The following RBMS1 variants were observed in gnomAD, a reference collection of about 807,000 sequenced individuals.
The protein encoded by RBMS1 is RNA-binding motif, single-stranded-interacting protein 1.
A neutral mutation model predicts 62.3 loss-of-function variants in RBMS1; 17 were observed. The observed-to-expected ratio is 0.27, with a 90% confidence interval of 0.19 to 0.41. The LOEUF (loss-of-function observed/expected upper bound fraction) is 0.41, where lower values mean the gene tolerates loss of function less well. RBMS1 is among the 10% of genes least tolerant of loss of function. The pLI is 1.00. For missense variants in RBMS1, 334 were observed against 504.5 expected (o/e 0.66, Z 3.24); for synonymous variants, 172 against 170.0 (o/e 1.01, Z -0.09).
intron 1 of RBMS1, among the ~76,000 whole-genome samples, chr2:160,435,189 T>A (rs1365792051): frequency 6.6e-6 from 1 of 152,258 alleles, no homozygotes; most frequent in Non-Finnish European, 1.5e-5. Flanking sequence ...ACCTACTGGA[T>A]ATACACTCTG....
intron 2 of RBMS1, among the ~76,000 whole-genome samples, chr2:160,340,648 T>C (rs1691819122): frequency 6.6e-6 from 1 of 152,024 alleles, no homozygotes; most frequent in Non-Finnish European, 1.5e-5. Flanking sequence ...TTATAAAAGA[T>C]GGGCAAACTG....
chr2:160,357,357 T>A (rs1424050940), intron 2 of RBMS1, among the ~76,000 whole-genome samples: 2 of 152,090 alleles, frequency 1.3e-5, no homozygotes, highest in Non-Finnish European at 2.9e-5. Context: ...TGGCTCTTTA[T>A]CATGCCTAGG....
intron 1 of RBMS1, among the ~76,000 whole-genome samples, chr2:160,473,952 C>G (rs781527137): frequency 6.6e-6 from 1 of 152,064 alleles, no homozygotes; most frequent in Non-Finnish European, 1.5e-5. Flanking sequence ...ACTATGACAA[C>G]AGGTAAGAAG....
chr2:160,394,636 C>G (rs896373307), intron 1 of RBMS1, among the ~76,000 whole-genome samples: 7 of 152,200 alleles, frequency 4.6e-5, no homozygotes, highest in Non-Finnish European at 8.8e-5. Flanking sequence ...TTGGCAGATA[C>G]TAGTTTATTT....
At chr2:160,327,982 GT>G (rs1370336156) in intron 2 of RBMS1, among the ~76,000 whole-genome samples, 2 of 152,060 alleles carry the variant, frequency 1.3e-5, no homozygotes, top group African/African-American at 2.4e-5. Flanking sequence ...CTTTGACAGT[GT>G]CACCCTTGTG....
chr2:160,420,229 G>A (rs1696368641), intron 1 of RBMS1, among the ~76,000 whole-genome samples: 1 of 151,964 alleles, frequency 6.6e-6, no homozygotes, highest in Non-Finnish European at 1.5e-5. Flanking sequence ...TAACTCCCTT[G>A]TCCCTTTACC....
chr2:160,487,987 T>G (rs1396050983), intron 1 of RBMS1, among the ~76,000 whole-genome samples: 1 of 152,210 alleles, frequency 6.6e-6, no homozygotes, highest in Non-Finnish European at 1.5e-5. Context: ...CATTGAGGAA[T>G]TAGATTATGG....
At chr2:160,277,280 G>A (rs1687885251) in intron 12 of RBMS1, 23 bp downstream of exon 12, 1 of 1,559,190 alleles carries the variant, frequency 6.4e-7, no homozygotes, top group Non-Finnish European at 8.8e-7. Context: ...AGCCAGAATG[G>A]TCACTGGATG....
chr2:160,493,485 T>TGCTGCC lies in RBMS1; in HGVS notation c.-128_-123dup, dbSNP rs1176804451. On this transcript the variant is annotated 5_prime_UTR_variant, in exon 1 of 14. Transcript: ENST00000348849. ...CGGCGGCGGCGGCGGCGGCTGCTGC[T>TGCTGCC]GCTGCCGCTGCTCCACCTCCCAGCC... 67 of 789,376 alleles carry TGCTGCC rather than the reference T, an allele frequency of 8.5e-5. 1 individual carries two copies. The highest frequency in any genetic ancestry group is 1.9e-4 in the South Asian group (13 of 68,654). The allele number at this position is 789,376 out of a possible 1,614,324, so 48.9% of individuals were successfully genotyped here.
Position 160,318,653 on chromosome 2 carries a change from C to T in RBMS1, c.252-426G>A, listed in dbSNP as rs184204060. The stretch of plus-strand genomic sequence containing the variant: ...TACAGCTTTTATGAAATAGTAACAG[C>T]GGAAAGCTGCTTGCATTATTCTATT... On this transcript the variant is annotated intron_variant, in intron 2 of 13. Transcript: ENST00000348849. 8.0e-3 allele frequency among the ~76,000 whole-genome samples: 1,212 copies of T among 152,298 alleles called. 13 individuals are homozygous for T. Among genetic ancestry groups the T allele is most frequent in the African/African-American group, 0.026 (1,098 of 41,554 alleles).
At chr2:160,285,591 C>A (rs539602377) in intron 7 of RBMS1, among the ~76,000 whole-genome samples, 1 of 151,128 alleles carries the variant, frequency 6.6e-6, no homozygotes, top group Admixed American at 6.6e-5. Context: ...AAAGTCAATA[C>A]AGGGAAATGG....
intron 2 of RBMS1, among the ~76,000 whole-genome samples, chr2:160,324,260 T>TACAC (rs1434072274): frequency 7.0e-6 from 1 of 142,982 alleles, no homozygotes; most frequent in Non-Finnish European, 1.6e-5. Context: ...TGCGTGCGCG[T>TACAC]GCACACACAC....
At chr2:160,418,018 G>A (rs886618820) in intron 1 of RBMS1, among the ~76,000 whole-genome samples, 1 of 152,144 alleles carries the variant, frequency 6.6e-6, no homozygotes, top group Non-Finnish European at 1.5e-5. Flanking sequence ...TCCCTCCTCA[G>A]CTCTCTCTCC....
At chr2:160,279,173 G>A (rs1338481845) in intron 10 of RBMS1, 2 of 152,324 alleles carry the variant, frequency 1.3e-5, no homozygotes, top group Non-Finnish European at 2.9e-5. Context: ...TTCAAGATCA[G>A]GTTGTTAGGA....
At chr2:160,483,389 T>C (rs1685450169) in intron 1 of RBMS1, among the ~76,000 whole-genome samples, 2 of 152,218 alleles carry the variant, frequency 1.3e-5, no homozygotes, top group Admixed American at 6.5e-5. Flanking sequence ...ATACTTCCTA[T>C]TATGCTAATT....
intron 1 of RBMS1, among the ~76,000 whole-genome samples, chr2:160,411,686 T>C (rs1270483466): frequency 3.9e-5 from 6 of 152,250 alleles, no homozygotes; most frequent in Admixed American, 2.0e-4. Flanking sequence ...TTGTCTTAAG[T>C]ACAGTACATG....
At position 160,285,041 on chromosome 2, in the gene RBMS1, C is replaced by T. The variant is rs1255843694; in HGVS notation, c.760G>A (p.Gly254Arg). The T allele has an allele frequency of 1.9e-6, 3 of 1,611,958 alleles. No homozygotes were observed. The highest frequency in any genetic ancestry group is 1.1e-5 in the South Asian group (1 of 91,016). ...GTTGGGTCGTAAGTAAGTGTCATTCCAGCCTATGGGAAAGAGAAAGAAATA... is the reference window on the plus strand; with the variant it reads ...GTTGGGTCGTAAGTAAGTGTCATTCTAGCCTATGGGAAAGAGAAAGAAATA... ...WHREGEVRLA[G>R]MTLTYDPTTA... Residue 254 changes from glycine to arginine, a missense_variant, in exon 8 of 14, where the codon GGA becomes AGA. Around this residue, in one of 3 missense-constraint regions of RBMS1, gnomAD observed 182 missense variants for 257.7 expected, o/e 0.71. Coordinates refer to ENST00000348849, the MANE Select transcript of RBMS1 (RefSeq NM_016836.4).
intron 1 of RBMS1, among the ~76,000 whole-genome samples, chr2:160,395,763 C>G (rs1695107573): frequency 6.6e-6 from 1 of 152,098 alleles, no homozygotes; most frequent in African/African-American, 2.4e-5. Context: ...TACATTAACT[C>G]TTTTGACCCT....
intron 1 of RBMS1, among the ~76,000 whole-genome samples, chr2:160,421,538 A>G (rs1183184028): frequency 6.6e-6 from 1 of 152,212 alleles, no homozygotes; most frequent in African/African-American, 2.4e-5. Flanking sequence ...TTCTCAATCC[A>G]GTCTATCATT....
Sources: allele counts gnomAD v4.1 joint callset (sites outside exome capture counted in the v4.1 genomes callset), GRCh38; gene constraint gnomAD v4.1.1; regional missense constraint gnomAD v4.1.1; transcripts MANE v1.5; gene names NCBI Gene and HGNC (gene_info 2026-07-23, HGNC 2026-07-21).